PTPRS: variants seen among roughly 807,000 people sequenced by gnomAD.
PTPRS encodes protein tyrosine phosphatase receptor type S.
Under a neutral mutation model 215.3 loss-of-function variants are expected in PTPRS, and 63 were observed. That is an observed-to-expected ratio of 0.29 (90% confidence interval 0.24 to 0.36). The LOEUF is 0.36. Ranked by LOEUF, PTPRS falls within the 10% of genes least tolerant of loss-of-function variation. The probability of loss-of-function intolerance (pLI) is 1.00; values close to 1 mark genes in which losing one functional copy is unlikely to be tolerated. For missense variants in PTPRS, 2,258 were observed against 2,825.8 expected (o/e 0.80, Z 4.56); for synonymous variants, 1,404 against 1,191.4 (o/e 1.18, Z -3.68).
At chr19:5,249,331 C>A (rs1375007104) in intron 9 of PTPRS, among the ~76,000 whole-genome samples, 3 of 151,018 alleles carry the variant, frequency 2.0e-5, no homozygotes, top group Admixed American at 1.3e-4. Flanking sequence ...AATAAATAAA[C>A]AAACAAACAA....
At chr19:5,238,795 G>C in intron 13 of PTPRS, 124 bp downstream of exon 13, 1 of 1,306,916 alleles carries the variant, frequency 7.7e-7, no homozygotes, top group South Asian at 1.7e-5. Context: ...ACAAAGCGGA[G>C]ACAGGCCGGG....
At chr19:5,212,893 G>A (rs922118272) in intron 30 of PTPRS, among the ~76,000 whole-genome samples, 3 of 150,534 alleles carry the variant, frequency 2.0e-5, no homozygotes, top group East Asian at 3.9e-4. Flanking sequence ...GTCCCCAAGT[G>A]CCTGACTTGG....
chr19:5,280,791 T>TTC (rs1555796202), intron 2 of PTPRS, among the ~76,000 whole-genome samples: 1 of 146,128 alleles, frequency 6.8e-6, no homozygotes, highest in Non-Finnish European at 1.5e-5. Flanking sequence ...CCTTAACTTT[T>TTC]TTTTTTTGTT....
At chr19:5,240,119 G>A in intron 12 of PTPRS, 80 bp downstream of exon 12, 2 of 1,387,394 alleles carry the variant, frequency 1.4e-6, no homozygotes, top group South Asian at 1.6e-5. Context: ...GACAAAGAGG[G>A]GGAAGAGACA....
chr19:5,222,461 GA>G (rs140422882), intron 18 of PTPRS, among the ~76,000 whole-genome samples: 15,312 of 147,912 alleles, frequency 0.1, 1,069 homozygotes, highest in African/African-American at 0.19. Context: ...GGAGGAGGAA[GA>G]GGGGGGAGGG....
At chr19:5,263,384 A>G (rs778587643) in intron 5 of PTPRS, among the ~76,000 whole-genome samples, 13 of 152,102 alleles carry the variant, frequency 8.5e-5, no homozygotes, top group South Asian at 2.1e-4. Context: ...GGTTTTCACT[A>G]AGGAGGAGGA....
chr19:5,229,175 T>C (rs2042782121), intron 16 of PTPRS, 141 bp downstream of exon 16: 7 of 973,824 alleles, frequency 7.2e-6, no homozygotes, highest in Non-Finnish European at 9.5e-6. Flanking sequence ...CAAGAGGTAA[T>C]GGGAGAGCGA....
Position 5,322,489 on chromosome 19 carries a change from G to C in PTPRS, c.-95+18175C>G, listed in dbSNP as rs570468321. Among the ~76,000 whole-genome samples the C allele has an allele frequency of 2.6e-5, 4 of 152,110 alleles. No homozygotes were observed. In the South Asian group the frequency reaches 6.3e-4, roughly 24 times the overall value. On this transcript the variant is annotated intron_variant, in intron 1 of 37. Coordinates refer to ENST00000262963, the MANE Select transcript of PTPRS (RefSeq NM_002850.4). ...AAGAAGCAGCCGCGGGGACCGACTCGAGCCCGCCCCGACTGGCCGACTCCC... is the reference window on the plus strand; with the variant it reads ...AAGAAGCAGCCGCGGGGACCGACTCCAGCCCGCCCCGACTGGCCGACTCCC...
At chr19:5,214,789 GCT>G in intron 28 of PTPRS, 53 bp from the exon 29 acceptor site, 1 of 1,532,606 alleles carries the variant, frequency 6.5e-7, no homozygotes, top group East Asian at 2.3e-5. Flanking sequence ...TGCTAGTTTG[GCT>G]CTGTGTGGCC....
At chr19:5,283,415 A>T (rs1599935305) in intron 2 of PTPRS, among the ~76,000 whole-genome samples, 1 of 152,094 alleles carries the variant, frequency 6.6e-6, no homozygotes, top group East Asian at 1.9e-4. Flanking sequence ...CATCTCTACT[A>T]AAAATACAAA....
At chr19:5,263,417 G>T (rs2046163865) in intron 5 of PTPRS, among the ~76,000 whole-genome samples, 1 of 152,116 alleles carries the variant, frequency 6.6e-6, no homozygotes, top group Non-Finnish European at 1.5e-5. Flanking sequence ...GAACAGGTAG[G>T]TAGGCTCTTT....
intron 1 of PTPRS, among the ~76,000 whole-genome samples, chr19:5,312,362 TATA>T (rs1305036320): frequency 6.6e-6 from 1 of 152,112 alleles, no homozygotes; most frequent in African/African-American, 2.4e-5. Flanking sequence ...TTGCAAATGC[TATA>T]ATAATAGCAG....
intron 26 of PTPRS, among the ~76,000 whole-genome samples, chr19:5,215,973 G>A (rs1357393622): frequency 1.3e-5 from 2 of 152,190 alleles, no homozygotes; most frequent in African/African-American, 2.4e-5. Flanking sequence ...GCAAGTGTGT[G>A]GCACAGAAAT....
chr19:5,212,381 C>G lies in PTPRS; in HGVS notation c.4725G>C (p.Lys1575Asn). The G allele has an allele frequency of 6.2e-7, 1 of 1,608,984 alleles. No homozygotes were observed. Among genetic ancestry groups the G allele is most frequent in the Non-Finnish European group, 8.5e-7 (1 of 1,177,666 alleles). Residue 1575 changes from lysine (K) to asparagine (N), a missense_variant, in exon 31 of 38, where the codon AAG becomes AAC. Transcript: ENST00000262963. ...TPFLAFLRRV[K>N]TCNPPDAGPI... ...GGCCGGCATCTGGCGGGTTGCAGGT[C>G]TTGACTCTCCGCAGGAAAGCCAGGA...
intron 9 of PTPRS, 89 bp downstream of exon 9, chr19:5,256,019 G>A: frequency 9.0e-7 from 1 of 1,109,660 alleles, no homozygotes. Flanking sequence ...TGTCCGTGTG[G>A]TGTCTACATG....
intron 1 of PTPRS, among the ~76,000 whole-genome samples, chr19:5,317,413 A>G (rs2049907247): frequency 6.6e-6 from 1 of 152,204 alleles, no homozygotes; most frequent in African/African-American, 2.4e-5. Context: ...TGGAGGTTGC[A>G]GTGAGTCGAG....
intron 1 of PTPRS, among the ~76,000 whole-genome samples, chr19:5,310,127 T>C (rs1345879105): frequency 6.6e-6 from 1 of 151,936 alleles, no homozygotes; most frequent in Non-Finnish European, 1.5e-5. Context: ...CCAGGTGCGG[T>C]CCTGCCTCAG....
chr19:5,322,989 G>A (rs1469609390), intron 1 of PTPRS, among the ~76,000 whole-genome samples: 1 of 151,714 alleles, frequency 6.6e-6, no homozygotes, highest in Non-Finnish European at 1.5e-5. Flanking sequence ...TAGGCAAAAT[G>A]TATGCCTGGA....
intron 11 of PTPRS, among the ~76,000 whole-genome samples, chr19:5,242,314 A>G (rs1176242087): frequency 1.3e-5 from 2 of 152,248 alleles, no homozygotes; most frequent in Admixed American, 1.3e-4. Context: ...GTTTGATCTT[A>G]GCCCTATGGG....
Sources: allele counts gnomAD v4.1 joint callset (sites outside exome capture counted in the v4.1 genomes callset), GRCh38; gene constraint gnomAD v4.1.1; transcripts MANE v1.5; gene names NCBI Gene and HGNC (gene_info 2026-07-23, HGNC 2026-07-21).